NUDT12: variants seen among roughly 807,000 people sequenced by gnomAD.
The protein encoded by NUDT12 is NAD-capped RNA hydrolase NUDT12.
NUDT12 carries 42 observed loss-of-function variants against 45.7 expected under a neutral mutation model. The observed-to-expected ratio is 0.92, with a 90% CI of 0.72 to 1.19. The LOEUF (loss-of-function observed/expected upper bound fraction) is 1.19, where lower values mean the gene tolerates loss of function less well. Among genes scored for constraint, NUDT12 ranks in the 50% most tolerant of loss-of-function variants. The pLI, the probability that NUDT12 is intolerant of heterozygous loss-of-function variation, is 0.00. For missense variants in NUDT12, 590 were observed against 533.1 expected (o/e 1.11, Z -1.05); for synonymous variants, 206 against 179.7 (o/e 1.15, Z -1.17).
rs957159347 is a variant in NUDT12 at position 103,559,318 on chromosome 5, A to C, written c.357T>G (p.Asn119Lys). Reference sequence around the variant, plus strand: ...GGTCCAGTAGTGTTTTGCTAAAATAATTTTCACATTCTTCCACTTCATTCG... The same window carrying C: ...GGTCCAGTAGTGTTTTGCTAAAATACTTTTCACATTCTTCCACTTCATTCG... ...FLTNEVEECE[N>K]YFSKTLLDRK... Residue 119 changes from asparagine (N) to lysine (K), a missense_variant, in exon 3 of 7, where the codon AAT (asparagine) becomes AAG (lysine). Asn to Lys is a moderately conservative substitution (Grantham distance 94, BLOSUM62 0). Coordinates refer to ENST00000230792, the MANE Select transcript of NUDT12 (RefSeq NM_031438.4). The C allele has an allele frequency of 1.2e-6, 2 of 1,612,708 alleles. No homozygotes were observed. The highest frequency in any genetic ancestry group is 1.3e-5 in the African/African-American group (1 of 74,854).
At position 103,550,010 on chromosome 5, in the gene NUDT12, A is replaced by G. The variant is rs926493194; in HGVS notation, c.*851T>C. On this transcript the variant is annotated 3_prime_UTR_variant, in exon 7 of 7. Transcript: ENST00000230792. The stretch of plus-strand genomic sequence containing the variant: ...AAATAAAGCCAATGTTTTAAATTAA[A>G]TATGTAAATCTGCCTGGGACTTATT... 2.0e-5 allele frequency: 3 copies of G among 152,194 alleles called. No individual in the cohort carries two copies. The highest frequency in any genetic ancestry group is 4.4e-5 in the Non-Finnish European group (3 of 68,020). 9.4% of individuals were successfully genotyped at this position (152,194 alleles called of 1,614,324 possible).
In NUDT12 at chr5:103,559,407, C is replaced by T. The variant is rs766232618; in HGVS notation, c.268G>A (p.Gly90Ser). The change falls in exon 3 of 7, where the codon GGT (glycine) becomes AGT (serine). Residue 90 changes from glycine to serine, a missense_variant. By Grantham distance (56) the Gly-to-Ser change is moderately conservative. Transcript: ENST00000230792. ...QTALDIAVFW[G>S]YKHIANLLAT... is the part of the protein sequence containing the mutation. ...AGTAAATTAGCTATATGCTTATAAC[C>T]CCAAAATACAGCAATGTCCAGTGCA... The T allele has an allele frequency of 6.2e-7, 1 of 1,610,646 alleles. No individual in the cohort carries two copies. The highest frequency in any genetic ancestry group is 1.7e-5 in the Admixed American group (1 of 59,430).
Position 103,559,435 on chromosome 5 carries a change from C to T in NUDT12, c.240G>A (p.Gln80=). The change falls in exon 3 of 7, where the codon CAG becomes CAA. Residue 80 remains glutamine (Q), a synonymous_variant. Transcript: ENST00000230792. ...AAAATACAGCAATGTCCAGTGCAGT[C>T]TGCCTTGATTTATTGACAATTGATC... ...CDRSIVNKSR[Q]TALDIAVFWG... The T allele has an allele frequency of 6.4e-7, 1 of 1,564,528 alleles. No individual in the cohort carries two copies. The highest frequency in any genetic ancestry group is 8.6e-7 in the Non-Finnish European group (1 of 1,158,676).
At chr5:103,558,525 A>C (rs920501582) in intron 3 of NUDT12, among the ~76,000 whole-genome samples, 2 of 152,138 alleles carry the variant, frequency 1.3e-5, no homozygotes, top group Admixed American at 1.3e-4. Context: ...ATCAAACCCC[A>C]ATTTCTTACC....
rs555704861 is a variant in NUDT12, at chr5:103,555,793, A to C, written c.964+138T>G. On this transcript the variant is annotated intron_variant, in intron 4 of 6. Coordinates refer to ENST00000230792, the MANE Select transcript of NUDT12 (RefSeq NM_031438.4). ...TTACTTAAAAATCATGAAAGTGTGT[A>C]ACACTTTAACACATTCTTAATGGTT... The C allele has an allele frequency of 5.9e-6, 3 of 506,930 alleles. No homozygotes were observed. In the East Asian group the frequency reaches 9.9e-5, roughly 17 times the overall value. The allele number at this position is 506,930 out of a possible 1,614,324, so 31.4% of individuals were successfully genotyped here.
chr5:103,560,189 A>G lies in NUDT12; in HGVS notation c.60T>C (p.Ala20=). Residue 20 remains alanine, a synonymous_variant, in exon 2 of 7, where the codon GCT becomes GCC. Coordinates refer to ENST00000230792, the MANE Select transcript of NUDT12 (RefSeq NM_031438.4). ...TTAACTTGGCAATATCTCCTTCAGC[A>G]GCTGAACAGTGAAACTGAGTAACTA... ...QEIVTQFHCS[A]AEGDIAKLTG... 6.2e-7 allele frequency: 1 copy of G among 1,613,928 alleles called. No individual in the cohort carries two copies. The highest frequency in any genetic ancestry group is 8.5e-7 in the Non-Finnish European group (1 of 1,179,766).
chr5:103,555,550 G>A (rs1187590566), intron 4 of NUDT12, among the ~76,000 whole-genome samples: 1 of 151,996 alleles, frequency 6.6e-6, no homozygotes, highest in Non-Finnish European at 1.5e-5. Context: ...GCAGCAATTA[G>A]AAGAGAGAAT....
In NUDT12 at chr5:103,549,594, A is replaced by G. The variant is rs1580688705; in HGVS notation, c.*1267T>C. The G allele has an allele frequency of 6.6e-6, 1 of 152,110 alleles. No individual in the cohort carries two copies. The highest frequency in any genetic ancestry group is 1.5e-5 in the Non-Finnish European group (1 of 67,918). The allele number at this position is 152,110 out of a possible 1,614,324, so 9.4% of individuals were successfully genotyped here. A position where few individuals can be genotyped will look rare whatever the true frequency, so the allele number is the denominator to read the frequency against. ...GTTATGTAACTTTCACTAATTAGGT[A>G]AATTCACCTTTCACAATTTCTTTTT... On this transcript the variant is annotated 3_prime_UTR_variant, in exon 7 of 7. Coordinates refer to ENST00000230792, the MANE Select transcript of NUDT12 (RefSeq NM_031438.4).
In NUDT12 at chr5:103,549,462, T is replaced by C. The variant is rs1474820764; in HGVS notation, c.*1399A>G. On this transcript the variant is annotated 3_prime_UTR_variant, in exon 7 of 7. Transcript: ENST00000230792. ...ATTTGGTAAATTAAATTTATTCTTATCATTCCTTCTTTTAATTTTGTCTAT... is the reference window on the plus strand; with the variant it reads ...ATTTGGTAAATTAAATTTATTCTTACCATTCCTTCTTTTAATTTTGTCTAT... 6.6e-6 allele frequency: 1 copy of C among 151,986 alleles called. No homozygotes were observed. Among genetic ancestry groups the C allele is most frequent in the Non-Finnish European group, 1.5e-5 (1 of 67,902 alleles). The allele number at this position is 151,986 out of a possible 1,614,324, so 9.4% of individuals were successfully genotyped here. A position where few individuals can be genotyped will look rare whatever the true frequency, so the allele number is the denominator to read the frequency against.
At position 103,559,294 on chromosome 5, in the gene NUDT12, G is replaced by A. The variant is rs565265653; in HGVS notation, c.381C>T (p.Asp127=). The A allele has an allele frequency of 6.2e-7, 1 of 1,610,562 alleles. No homozygotes were observed. The highest frequency in any genetic ancestry group is 1.1e-5 in the South Asian group (1 of 90,158). ...AATTATTTCTCTTTTCACTTTTCCGGTCCAGTAGTGTTTTGCTAAAATAAT... is the reference window on the plus strand; with the variant it reads ...AATTATTTCTCTTTTCACTTTTCCGATCCAGTAGTGTTTTGCTAAAATAAT... ...CENYFSKTLL[D]RKSEKRNNSD... Residue 127 remains aspartate, a synonymous_variant, in exon 3 of 7, where the codon GAC becomes GAT. Transcript: ENST00000230792.
chr5:103,561,084 G>T (rs1018230760), intron 1 of NUDT12, among the ~76,000 whole-genome samples: 6 of 151,338 alleles, frequency 4.0e-5, no homozygotes, highest in Non-Finnish European at 5.9e-5. Flanking sequence ...GGCGGCGGGG[G>T]ATGGTGAAAA....
chr5:103,554,868 A>AAG lies in NUDT12; in HGVS notation c.965-16_965-15insCT. 8.4e-7 allele frequency: 1 copy of AAG among 1,194,526 alleles called. No homozygotes were observed. The highest frequency in any genetic ancestry group is 1.2e-6 in the Non-Finnish European group (1 of 837,040). The allele number at this position is 1,194,526 out of a possible 1,614,324, so 74.0% of individuals were successfully genotyped here. On this transcript the variant is annotated splice_polypyrimidine_tract_variant and intron_variant, in intron 4 of 6. Transcript: ENST00000230792. ...TACTACTGGATCTGTTGAAAAAAAA[A>AAG]ATCAGATACATGAATGGCAGGAAAA...
Position 103,550,928 on chromosome 5 carries a change from A to G in NUDT12, c.1322T>C (p.Val441Ala). 1 of 1,613,792 alleles carries G rather than the reference A, an allele frequency of 6.2e-7. No individual in the cohort carries two copies. Among genetic ancestry groups the G allele is most frequent in the South Asian group, 1.1e-5 (1 of 91,080 alleles). The change falls in exon 7 of 7, where the codon GTG becomes GCG. Residue 441 changes from valine (V) to alanine (A), a missense_variant. Transcript: ENST00000230792. ...ATGTGCAATAGCTCGGCTTGGTGGC[A>G]CAAAGAATGCCTGCTGCTTCCCTTT... The part of the protein sequence containing the change: ...LTKGKQQAFF[V>A]PPSRAIAHQL...
Position 103,552,267 on chromosome 5 carries a change from T to C in NUDT12, c.1228A>G (p.Lys410Glu), listed in dbSNP as rs373276023. Residue 410 changes from lysine (K) to glutamate (E), a missense_variant, in exon 6 of 7, where the codon AAA (lysine) becomes GAA (glutamate). Transcript: ENST00000230792. Reference protein sequence around the residue: ...CLALAVSTEIKVDKNEIEDAR... With the variant: ...CLALAVSTEIEVDKNEIEDAR... ...TCCTCTATTTCATTCTTGTCAACTT[T>C]AATTTCTGTAGACACTGCTAGAGCT... The C allele has an allele frequency of 1.9e-6, 3 of 1,613,776 alleles. No individual in the cohort carries two copies. Among genetic ancestry groups the C allele is most frequent in the Non-Finnish European group, 2.5e-6 (3 of 1,179,832 alleles).
chr5:103,556,615 A>G (rs1480368097), intron 3 of NUDT12, among the ~76,000 whole-genome samples: 1 of 152,134 alleles, frequency 6.6e-6, no homozygotes, highest in African/African-American at 2.4e-5. Flanking sequence ...CTGCATGTAC[A>G]CAGTATAAAA....
At chr5:103,558,688 G>A (rs1010421734) in intron 3 of NUDT12, among the ~76,000 whole-genome samples, 191 bp downstream of exon 3, 2 of 152,206 alleles carry the variant, frequency 1.3e-5, no homozygotes, top group Admixed American at 6.5e-5. Flanking sequence ...ATCAGTCTGG[G>A]CTGATTAGAA....
chr5:103,562,548 G>C (rs1302700859), intron 1 of NUDT12, among the ~76,000 whole-genome samples, 155 bp downstream of exon 1: 1 of 151,840 alleles, frequency 6.6e-6, no homozygotes, highest in African/African-American at 2.4e-5. Context: ...TGCGTCCGTG[G>C]CTCCCGCGCC....
chr5:103,554,744 C>A lies in NUDT12; in HGVS notation c.1074G>T (p.Glu358Asp). The change falls in exon 5 of 7, where the codon GAG becomes GAT. Residue 358 changes from glutamate (E) to aspartate (D), a missense_variant. Coordinates refer to ENST00000230792, the MANE Select transcript of NUDT12 (RefSeq NM_031438.4). ...AATTATTAAGAAATGGCTTACCAGG[C>A]TCAATAAATCCAGCAAGGCAAGTAA... ...GMFTCLAGFI[E>D]PGETIEDAVR... 1 of 1,377,896 alleles carries A rather than the reference C, an allele frequency of 7.3e-7. No individual in the cohort carries two copies. The highest frequency in any genetic ancestry group is 9.8e-7 in the Non-Finnish European group (1 of 1,024,176). 85.4% of individuals were successfully genotyped at this position (1,377,896 alleles called of 1,614,324 possible). A position where few individuals can be genotyped will look rare whatever the true frequency, so the allele number is the denominator to read the frequency against.
intron 1 of NUDT12, among the ~76,000 whole-genome samples, 153 bp from the exon 2 acceptor site, chr5:103,560,407 CA>C (rs1748997665): frequency 6.6e-6 from 1 of 152,070 alleles, no homozygotes; most frequent in Non-Finnish European, 1.5e-5. Context: ...ATTTCAATTT[CA>C]AAATGTTATC....
Sources: allele counts gnomAD v4.1 joint callset (sites outside exome capture counted in the v4.1 genomes callset), GRCh38; gene constraint gnomAD v4.1.1; transcripts MANE v1.5; gene names NCBI Gene and HGNC (gene_info 2026-07-23, HGNC 2026-07-21).